Variants in FAM171A1 observed in about 807,000 individuals in gnomAD.
FAM171A1 encodes protein FAM171A1.
FAM171A1 carries 23 observed loss-of-function variants against 74.9 expected under a neutral mutation model. The ratio of observed to expected loss-of-function variants is 0.31; its 90% CI spans 0.22 to 0.44. FAM171A1 has a LOEUF of 0.44. FAM171A1 is among the 20% of genes least tolerant of loss of function. The probability of loss-of-function intolerance (pLI) is 1.00; values close to 1 mark genes in which losing one functional copy is unlikely to be tolerated. For synonymous variants in FAM171A1, 527 were observed against 505.7 expected, an observed-to-expected ratio of 1.04 and a Z score of -0.57; for missense variants, 1,162 against 1,159.2, an observed-to-expected ratio of 1.00 and a Z score of -0.03.
chr10:15,315,338 T>C (rs1390318666), intron 1 of FAM171A1, among the ~76,000 whole-genome samples: 2 of 152,220 alleles, frequency 1.3e-5, no homozygotes, highest in African/African-American at 4.8e-5. Context: ...GGTCAAGTAT[T>C]AACATCGAAA....
chr10:15,272,349 T>C (rs1262929381), intron 3 of FAM171A1, among the ~76,000 whole-genome samples: 1 of 152,210 alleles, frequency 6.6e-6, no homozygotes, highest in Non-Finnish European at 1.5e-5. Flanking sequence ...CTAACTGTCC[T>C]AAATATATAT....
At chr10:15,297,736 G>A (rs959526278) in intron 1 of FAM171A1, among the ~76,000 whole-genome samples, 4 of 152,124 alleles carry the variant, frequency 2.6e-5, no homozygotes, top group African/African-American at 7.2e-5. Context: ...AATGGAAATC[G>A]AAAATACGAA....
At chr10:15,334,198 T>C (rs774142117) in intron 1 of FAM171A1, among the ~76,000 whole-genome samples, 12 of 152,202 alleles carry the variant, frequency 7.9e-5, no homozygotes, top group Non-Finnish European at 1.6e-4. Context: ...ATTACCCTTT[T>C]CTCTAGCCCC....
intron 6 of FAM171A1, among the ~76,000 whole-genome samples, chr10:15,219,907 A>T (rs7078886): frequency 0.22 from 33,965 of 152,204 alleles, 4,091 homozygotes; most frequent in African/African-American, 0.31. Context: ...CTTAAAACAG[A>T]TGTGAAGTGT....
chr10:15,373,193 G>A (rs887244789), upstream of FAM171A1, among the ~76,000 whole-genome samples: 3 of 152,166 alleles, frequency 2.0e-5, no homozygotes, highest in East Asian at 1.9e-4. Context: ...TGCAATTTGC[G>A]CAAATCACGC....
intron 3 of FAM171A1, among the ~76,000 whole-genome samples, chr10:15,266,394 G>A (rs1022752923): frequency 2.0e-5 from 3 of 152,174 alleles, no homozygotes; most frequent in Admixed American, 2.0e-4. Context: ...GCCAGGGGCA[G>A]GCGGTGTGAC....
Position 15,286,375 on chromosome 10 carries a change from G to A in FAM171A1, c.98-2270C>T, listed in dbSNP as rs565120100. 1.8e-4 allele frequency among the ~76,000 whole-genome samples: 27 copies of A among 152,226 alleles called. 1 individual carries two copies. Among genetic ancestry groups the A allele is most frequent in the Admixed American group, 1.5e-3 (23 of 15,292 alleles). Reference sequence around the variant, plus strand: ...AGCTCACTGTAACCTCTGCCTGCTGGGTTCAAGCAATTCTCCTGCCTCAGC... The same window carrying A: ...AGCTCACTGTAACCTCTGCCTGCTGAGTTCAAGCAATTCTCCTGCCTCAGC... On this transcript the variant is annotated intron_variant, in intron 1 of 7. Coordinates refer to ENST00000378116, the MANE Select transcript of FAM171A1 (RefSeq NM_001010924.2).
intron 7 of FAM171A1, among the ~76,000 whole-genome samples, chr10:15,215,160 A>G (rs1444826396): frequency 6.6e-6 from 1 of 152,170 alleles, no homozygotes; most frequent in African/African-American, 2.4e-5. Flanking sequence ...TTTTTCTATG[A>G]CTTAAAAAAG....
chr10:15,373,220 AG>A (rs1276196816), upstream of FAM171A1, among the ~76,000 whole-genome samples: 1 of 152,214 alleles, frequency 6.6e-6, no homozygotes, highest in African/African-American at 2.4e-5. Context: ...ACAGGGTGGC[AG>A]GTAGTCAGGA....
At chr10:15,289,968 G>A (rs1049658807) in intron 1 of FAM171A1, among the ~76,000 whole-genome samples, 5 of 152,130 alleles carry the variant, frequency 3.3e-5, no homozygotes, top group Admixed American at 6.5e-5. Flanking sequence ...TGTGGCTCAC[G>A]CCTGTAATCC....
intron 3 of FAM171A1, among the ~76,000 whole-genome samples, chr10:15,274,683 C>A (rs1167001162): frequency 6.6e-6 from 1 of 152,216 alleles, no homozygotes. Flanking sequence ...GGTACCAAAA[C>A]AGACATATAG....
chr10:15,219,726 C>T (rs925556104), intron 6 of FAM171A1, among the ~76,000 whole-genome samples: 11 of 152,196 alleles, frequency 7.2e-5, no homozygotes, highest in Non-Finnish European at 1.2e-4. Flanking sequence ...GGACTACAGG[C>T]GTGTGCCACC....
intron 1 of FAM171A1, among the ~76,000 whole-genome samples, chr10:15,351,992 A>G (rs1356511848): frequency 6.6e-6 from 1 of 152,216 alleles, no homozygotes; most frequent in Admixed American, 6.5e-5. Context: ...GTTCAAGACC[A>G]TAATGGGCAA....
At chr10:15,238,481 T>G (rs983516419) in intron 5 of FAM171A1, among the ~76,000 whole-genome samples, 1 of 152,130 alleles carries the variant, frequency 6.6e-6, no homozygotes, top group African/African-American at 2.4e-5. Context: ...GTTGTAAACA[T>G]AATTTTGTGC....
intron 5 of FAM171A1, among the ~76,000 whole-genome samples, chr10:15,225,468 CTT>C (rs1404862336): frequency 6.6e-6 from 1 of 152,186 alleles, no homozygotes. Context: ...GCATTTCATG[CTT>C]TCCGTGTTTT....
chr10:15,218,596 T>A (rs1423063702), intron 6 of FAM171A1, among the ~76,000 whole-genome samples: 1 of 152,074 alleles, frequency 6.6e-6, no homozygotes, highest in African/African-American at 2.4e-5. Flanking sequence ...GTAGTGGGTA[T>A]GCTTTGTGTT....
intron 1 of FAM171A1, among the ~76,000 whole-genome samples, chr10:15,320,000 A>AC (rs1366282042): frequency 6.6e-6 from 1 of 152,168 alleles, no homozygotes; most frequent in Non-Finnish European, 1.5e-5. Flanking sequence ...GGGGTTTGTG[A>AC]CATGAGTAAA....
At chr10:15,266,782 T>A (rs534105288) in intron 3 of FAM171A1, among the ~76,000 whole-genome samples, 78 of 151,296 alleles carry the variant, frequency 5.2e-4, no homozygotes, top group African/African-American at 1.9e-3. Context: ...GGTGAAAGGA[T>A]TGCTTGAGTC....
At chr10:15,328,212 T>C (rs1324066032) in intron 1 of FAM171A1, among the ~76,000 whole-genome samples, 2 of 152,154 alleles carry the variant, frequency 1.3e-5, no homozygotes, top group African/African-American at 4.8e-5. Flanking sequence ...TGGTGCGATC[T>C]CAGCTCACTG....
Sources: allele counts gnomAD v4.1 joint callset (sites outside exome capture counted in the v4.1 genomes callset), GRCh38; gene constraint gnomAD v4.1.1; transcripts MANE v1.5; gene names NCBI Gene and HGNC (gene_info 2026-07-23, HGNC 2026-07-21).